Variants in SLC8A1 observed in about 807,000 individuals in gnomAD.
SLC8A1 encodes the protein solute carrier family 8 member A1.
Under a neutral mutation model 68.3 loss-of-function variants are expected in SLC8A1, and 18 were observed. The observed-to-expected ratio is 0.26, with a 90% CI of 0.18 to 0.39. SLC8A1 has a LOEUF of 0.39. Among genes scored for constraint, SLC8A1 ranks in the 10% least tolerant of loss-of-function variants. The pLI is 1.00. For synonymous variants in SLC8A1, 475 were observed against 415.5 expected (o/e 1.14, Z -1.74); for missense variants, 985 against 1,156.7 (o/e 0.85, Z 2.15).
chr2:40,216,921 G>A lies in SLC8A1; in HGVS notation c.1809-39066C>T, dbSNP rs373292657. Among the ~76,000 whole-genome samples, 4 of 152,210 alleles carry A rather than the reference G, an allele frequency of 2.6e-5. No individual in the cohort carries two copies. In the East Asian group the frequency reaches 5.8e-4, roughly 22 times the overall value. On this transcript the variant is annotated intron_variant, in intron 2 of 7. Coordinates refer to ENST00000406785, the Ensembl canonical transcript of SLC8A1. ...TAGATCTTTGTCAGATGGATGGATC[G>A]CAAAAATTTTCTCCCATTCTGTAGG...
intron 1 of SLC8A1, among the ~76,000 whole-genome samples, chr2:40,487,902 C>T (rs1230027954): frequency 2.0e-5 from 3 of 152,076 alleles, no homozygotes. Context: ...TGTTCATGGA[C>T]AGATAACACC....
intron 2 of SLC8A1, among the ~76,000 whole-genome samples, chr2:40,243,067 C>G (rs2061416106): frequency 6.6e-6 from 1 of 152,150 alleles, no homozygotes. Flanking sequence ...CCAGTAAAAG[C>G]AGGAATACAG....
exon 2 of SLC8A1, chr2:40,428,794 C>G: frequency 6.2e-7 from 1 of 1,613,834 alleles, no homozygotes; most frequent in Non-Finnish European, 8.5e-7. Context: ...TTTGACATTG[C>G]TGAGATGCAC....
chr2:40,247,177 C>A (rs1010152609), intron 2 of SLC8A1, among the ~76,000 whole-genome samples: 1 of 152,084 alleles, frequency 6.6e-6, no homozygotes, highest in Non-Finnish European at 1.5e-5. Flanking sequence ...AGGCTTTGAG[C>A]CTTGGTGAGT....
Position 40,349,672 on chromosome 2 carries a change from G to C in SLC8A1, c.1808+78801C>G, listed in dbSNP as rs1238841275. ...ATGTAAGAAGTGTTCAGTAAGTGAG[G>C]TATTTATCAAGAATCAAAGCTGTGG... On this transcript the variant is annotated intron_variant, in intron 2 of 7. Transcript: ENST00000406785. 2.0e-5 allele frequency among the ~76,000 whole-genome samples: 3 copies of C among 152,108 alleles called. No individual in the cohort carries two copies. The East Asian group carries it at 5.8e-4, about 29-fold the overall frequency.
In SLC8A1 at chr2:40,467,292, G is replaced by T. The variant is rs573874334; in HGVS notation, c.-24-36988C>A. Among the ~76,000 whole-genome samples the T allele has an allele frequency of 2.6e-5, 4 of 152,196 alleles. No individual in the cohort carries two copies. In the South Asian group the frequency reaches 8.3e-4, roughly 32 times the overall value. On this transcript the variant is annotated intron_variant, in intron 1 of 7. Coordinates refer to the SLC8A1 transcript ENST00000402441. The stretch of plus-strand genomic sequence containing the variant: ...TGTCCTTTTGCATACAGCTGAGAGT[G>T]TGTTGGAGCACTGATGTATATGAAC...
At chr2:40,410,780 A>C (rs533557853) in intron 2 of SLC8A1, among the ~76,000 whole-genome samples, 1 of 152,138 alleles carries the variant, frequency 6.6e-6, no homozygotes, top group East Asian at 1.9e-4. Context: ...ATTGCATGTC[A>C]TTTTCTTATT....
intron 2 of SLC8A1, among the ~76,000 whole-genome samples, chr2:40,231,971 G>C (rs145931668): frequency 3.9e-5 from 6 of 152,200 alleles, no homozygotes; most frequent in Middle Eastern, 3.4e-3. Flanking sequence ...AGAGCAAATA[G>C]GAATAAGATA....
intron 2 of SLC8A1, among the ~76,000 whole-genome samples, chr2:40,310,946 T>G (rs1454501626): frequency 6.6e-6 from 1 of 152,212 alleles, no homozygotes; most frequent in Non-Finnish European, 1.5e-5. Flanking sequence ...TTTGACCTAA[T>G]TTTTATTGGT....
intron 2 of SLC8A1, among the ~76,000 whole-genome samples, chr2:40,273,961 C>A (rs1376387423): frequency 1.3e-5 from 2 of 151,402 alleles, no homozygotes; most frequent in African/African-American, 4.9e-5. Flanking sequence ...GCTCTGTCCC[C>A]CAAGGCTGCG....
chr2:40,313,558 A>G (rs72796684), intron 2 of SLC8A1, among the ~76,000 whole-genome samples: 33,237 of 151,856 alleles, frequency 0.22, 4,315 homozygotes, highest in East Asian at 0.38. Flanking sequence ...GTATTTATAA[A>G]TATTTGGTGT....
intron 5 of SLC8A1, among the ~76,000 whole-genome samples, chr2:40,161,999 A>T (rs1174573031): frequency 2.6e-5 from 4 of 152,248 alleles, no homozygotes; most frequent in Non-Finnish European, 5.9e-5. Context: ...ACCAAATCAT[A>T]ATATCAAGCA....
At chr2:40,489,510 A>G (rs1443502126) in intron 1 of SLC8A1, among the ~76,000 whole-genome samples, 1 of 152,140 alleles carries the variant, frequency 6.6e-6, no homozygotes, top group East Asian at 1.9e-4. Context: ...CTTTTCTGAC[A>G]TTCAATGTTA....
chr2:40,106,321 C>G (rs746918996), exon 8 of SLC8A1: 1 of 152,210 alleles, frequency 6.6e-6, no homozygotes, highest in Non-Finnish European at 1.5e-5. Context: ...GGCGGATCAC[C>G]TGAGGTCAGG....
intron 2 of SLC8A1, among the ~76,000 whole-genome samples, chr2:40,423,739 A>C (rs13418726): frequency 0.42 from 63,785 of 151,844 alleles, 15,188 homozygotes; most frequent in African/African-American, 0.66. Context: ...ACCTTTCTGC[A>C]CACAATCAAT....
intron 1 of SLC8A1, among the ~76,000 whole-genome samples, chr2:40,479,454 A>G (rs1704494272): frequency 6.6e-6 from 1 of 151,836 alleles, no homozygotes; most frequent in South Asian, 2.1e-4. Context: ...AAAAATAAAC[A>G]TTTTTTTAAG....
intron 2 of SLC8A1, among the ~76,000 whole-genome samples, chr2:40,263,551 G>T (rs942913036): frequency 3.3e-5 from 5 of 151,996 alleles, no homozygotes; most frequent in East Asian, 3.9e-4. Context: ...TAATGCCACA[G>T]ATCTACAACC....
chr2:40,136,425 A>C, intron 7 of SLC8A1, among the ~76,000 whole-genome samples: 1 of 152,168 alleles, frequency 6.6e-6, no homozygotes, highest in African/African-American at 2.4e-5. Context: ...AGATATATAG[A>C]TATTAATTCC....
intron 2 of SLC8A1, among the ~76,000 whole-genome samples, chr2:40,214,078 G>A (rs946394547): frequency 6.6e-6 from 1 of 152,160 alleles, no homozygotes; most frequent in African/African-American, 2.4e-5. Flanking sequence ...ATTTGATGAG[G>A]GCTAGGAATC....
Sources: allele counts gnomAD v4.1 joint callset (sites outside exome capture counted in the v4.1 genomes callset), GRCh38; gene constraint gnomAD v4.1.1; transcripts MANE v1.5; gene names NCBI Gene and HGNC (gene_info 2026-07-23, HGNC 2026-07-21).